PLAC1: variants seen among roughly 807,000 people sequenced by gnomAD.
PLAC1 encodes the protein placenta associated 1.
For synonymous variants in PLAC1, 68 were observed against 62.1 expected (o/e 1.09, Z -0.44); for missense variants, 136 against 163.2 (o/e 0.83, Z 0.91).
intron 2 of PLAC1, among the ~76,000 whole-genome samples, chrX:134,693,345 A>G (rs901332535): frequency 1.8e-5 from 2 of 112,280 alleles, no homozygotes; most frequent in African/African-American, 6.5e-5. Context: ...TATAACACAT[A>G]AGGCATGTCT....
chrX:134,632,805 G>A (rs182568498), intron 1 of PLAC1, among the ~76,000 whole-genome samples: 141 of 111,581 alleles, frequency 1.3e-3, no homozygotes, highest in Non-Finnish European at 2.0e-3. Flanking sequence ...GGGGGTTGTG[G>A]GAGCCCAGAG....
chrX:134,764,177 CA>C (rs1256090531), intron 1 of PLAC1: 2 of 112,120 alleles, frequency 1.8e-5, no homozygotes, highest in Non-Finnish European at 3.8e-5. Context: ...AATGGAACAT[CA>C]GTATCACATG....
intron 2 of PLAC1, among the ~76,000 whole-genome samples, chrX:134,592,407 C>T (rs1432038419): frequency 8.9e-6 from 1 of 111,773 alleles, no homozygotes; most frequent in Admixed American, 9.5e-5. Context: ...CTGAATGTTG[C>T]TGTGAGGGTA....
intron 2 of PLAC1, among the ~76,000 whole-genome samples, chrX:134,595,665 A>T (rs1403342026): frequency 9.3e-6 from 1 of 107,783 alleles, no homozygotes; most frequent in African/African-American, 3.4e-5. Flanking sequence ...AGTCTATCTG[A>T]TATTAATATA....
At chrX:134,685,449 C>CTTTTTTTTTTT (rs200498313) in intron 2 of PLAC1, among the ~76,000 whole-genome samples, 5 of 49,136 alleles carry the variant, frequency 1.0e-4, no homozygotes, top group East Asian at 6.2e-4. Flanking sequence ...AATGGCGTCC[C>CTTTTTTTTTTT]TTTTTTTTTT....
In PLAC1 at chrX:134,653,760, A is replaced by G. The variant is rs1602880438; in HGVS notation, c.-131+4568T>C. 2.7e-5 allele frequency among the ~76,000 whole-genome samples: 3 copies of G among 112,048 alleles called. No individual in the cohort carries two copies. The South Asian group carries it at 1.1e-3, about 42-fold the overall frequency. The stretch of plus-strand genomic sequence containing the variant: ...AGTTCAATTCCACAGACCATTAAAA[A>G]AGTCATTTCTTAGAAATTCAAGTCC... On this transcript the variant is annotated intron_variant, in intron 1 of 2. Transcript: ENST00000359237.
At chrX:134,709,950 A>G (rs967082578) in intron 2 of PLAC1, among the ~76,000 whole-genome samples, 1 of 111,821 alleles carries the variant, frequency 8.9e-6, no homozygotes, top group Admixed American at 9.5e-5. Flanking sequence ...CACACACACA[A>G]AACTTACAAA....
At chrX:134,659,053 G>T (rs1042378281), upstream of PLAC1, among the ~76,000 whole-genome samples, 1 of 110,397 alleles carries the variant, frequency 9.1e-6, no homozygotes, top group Admixed American at 9.7e-5. Context: ...GTGGCCTCTT[G>T]GGGGGCTGTG....
intron 1 of PLAC1, among the ~76,000 whole-genome samples, chrX:134,633,250 A>G (rs749052279): frequency 8.9e-6 from 1 of 111,780 alleles, no homozygotes; most frequent in Non-Finnish European, 1.9e-5. Flanking sequence ...AACAAGCATG[A>G]TCAATGGTTT....
chrX:134,649,264 CAAAA>C (rs898452361), intron 1 of PLAC1, among the ~76,000 whole-genome samples: 2 of 40,338 alleles, frequency 5.0e-5, no homozygotes, highest in Admixed American at 3.2e-4. Flanking sequence ...GACTCCATCT[CAAAA>C]AAAAAAAAAA....
chrX:134,601,157 A>T (rs2078087459), intron 2 of PLAC1, among the ~76,000 whole-genome samples: 1 of 111,159 alleles, frequency 9.0e-6, no homozygotes, highest in Non-Finnish European at 1.9e-5. Context: ...TTAGACCATG[A>T]GCATTTACTC....
chrX:134,645,390 C>T (rs1237914761), intron 1 of PLAC1, among the ~76,000 whole-genome samples: 1 of 112,246 alleles, frequency 8.9e-6, no homozygotes, highest in Admixed American at 9.4e-5. Flanking sequence ...TCAAGGTTCA[C>T]ATTGCTGATA....
intron 2 of PLAC1, among the ~76,000 whole-genome samples, chrX:134,577,836 A>G (rs1039701523): frequency 9.2e-6 from 1 of 108,194 alleles, no homozygotes; most frequent in African/African-American, 3.4e-5. Flanking sequence ...CATGCATGGG[A>G]ACACACACAC....
At chrX:134,583,497 T>A (rs1481838430) in intron 2 of PLAC1, among the ~76,000 whole-genome samples, 1 of 105,668 alleles carries the variant, frequency 9.5e-6, no homozygotes, top group Non-Finnish European at 1.9e-5. Flanking sequence ...GAATTGAGGC[T>A]CTGTCACTTC....
chrX:134,759,396 G>T (rs760078957), intron 1 of PLAC1, among the ~76,000 whole-genome samples: 27 of 111,152 alleles, frequency 2.4e-4, no homozygotes, highest in Non-Finnish European at 4.1e-4. Flanking sequence ...TGATCCACCC[G>T]CCTCGGCCTC....
At position 134,756,041 on chromosome X, in the gene PLAC1, C is replaced by T. The variant is rs751179453; in HGVS notation, n.89+8193G>A. On this transcript the variant is annotated intron_variant and non_coding_transcript_variant, in intron 1 of 2. Transcript: ENST00000466797. The stretch of plus-strand genomic sequence containing the variant: ...TAATTTTTTGTATTTTTAGTAGAGA[C>T]GGGGTTTCACCGTGTTAGCCAGGAT... Among the ~76,000 whole-genome samples, 435 of 106,859 alleles carry T rather than the reference C, an allele frequency of 4.1e-3. 2 individuals carry two copies. The highest frequency in any genetic ancestry group is 4.6e-3 in the Non-Finnish European group (239 of 51,764). 92.8% of individuals were successfully genotyped at this position (106,859 alleles called of 115,157 possible).
chrX:134,719,552 G>T (rs1339652496), intron 2 of PLAC1, among the ~76,000 whole-genome samples: 1 of 111,807 alleles, frequency 8.9e-6, no homozygotes, highest in African/African-American at 3.3e-5. Flanking sequence ...CACTTTGGGA[G>T]GCCGAGGCGG....
intron 1 of PLAC1, among the ~76,000 whole-genome samples, chrX:134,616,055 G>C (rs73566625): frequency 0.11 from 12,435 of 110,375 alleles, 1,753 homozygotes; most frequent in African/African-American, 0.39. Flanking sequence ...TCATAGCACA[G>C]TGTAACCTTG....
At chrX:134,596,899 A>G (rs747928756) in intron 2 of PLAC1, among the ~76,000 whole-genome samples, 47 of 110,259 alleles carry the variant, frequency 4.3e-4, no homozygotes, top group African/African-American at 1.6e-3. Flanking sequence ...GCTTGGCCAA[A>G]TCATTGTTTT....
Sources: allele counts gnomAD v4.1 joint callset (sites outside exome capture counted in the v4.1 genomes callset), GRCh38; gene constraint gnomAD v4.1.1; transcripts MANE v1.5; gene names NCBI Gene and HGNC (gene_info 2026-07-23, HGNC 2026-07-21).